The following ARSG variants were observed in gnomAD, a reference collection of about 807,000 sequenced individuals.
ARSG encodes the protein ASG.
A neutral mutation model predicts 50.5 loss-of-function variants in ARSG; 37 were observed. The ratio of observed to expected loss-of-function variants is 0.73; its 90% confidence interval spans 0.56 to 0.96. The LOEUF (loss-of-function observed/expected upper bound fraction) is 0.96. Ranked by LOEUF, ARSG falls within the 50% of genes least tolerant of loss-of-function variation. The pLI, the probability that ARSG is intolerant of heterozygous loss-of-function variation, is 0.00. For missense variants in ARSG, 629 were observed against 675.3 expected (o/e 0.93, Z 0.76); for synonymous variants, 225 against 254.6 (o/e 0.88, Z 1.11).
chr17:68,451,851 G>T, the ARSG span, among the ~76,000 whole-genome samples: 31 of 152,224 alleles, frequency 2.0e-4, no homozygotes, highest in Non-Finnish European at 4.3e-4. Flanking sequence ...TGAGCACAAA[G>T]GTTACGGCTT....
chr17:68,435,228 T>C, the ARSG span, among the ~76,000 whole-genome samples: 12,995 of 149,974 alleles, frequency 0.087, 712 homozygotes, highest in South Asian at 0.21. Flanking sequence ...AAAAATTCAA[T>C]TGGATCACTT....
the ARSG span, among the ~76,000 whole-genome samples, chr17:68,438,485 C>T: frequency 4.4e-4 from 67 of 152,162 alleles, no homozygotes; most frequent in Admixed American, 2.4e-3. Context: ...CCCAAAGAGG[C>T]GGCTGGCAGA....
intron 1 of ARSG, among the ~76,000 whole-genome samples, chr17:68,266,648 A>G (rs1479934577): frequency 1.3e-5 from 2 of 151,588 alleles, no homozygotes; most frequent in Non-Finnish European, 2.9e-5. Flanking sequence ...AATCTCTAGT[A>G]AAAATACACA....
At chr17:68,411,897 T>C (rs1344761195) in intron 11 of ARSG, among the ~76,000 whole-genome samples, 1 of 151,648 alleles carries the variant, frequency 6.6e-6, no homozygotes, top group Non-Finnish European at 1.5e-5. Context: ...TCTCTTTTGA[T>C]CTTTGTTGGT....
intron 1 of ARSG, among the ~76,000 whole-genome samples, chr17:68,292,764 C>G (rs1335385529): frequency 2.0e-5 from 3 of 152,108 alleles, no homozygotes; most frequent in Non-Finnish European, 4.4e-5. Flanking sequence ...CATCCTTTGC[C>G]GTTGACAAGT....
At chr17:68,377,231 G>T (rs911461270) in intron 8 of ARSG, among the ~76,000 whole-genome samples, 3 of 152,198 alleles carry the variant, frequency 2.0e-5, no homozygotes, top group African/African-American at 7.2e-5. Flanking sequence ...GAGAATGGAA[G>T]GCATCCCCGA....
At chr17:68,371,163 A>G (rs2079821338) in intron 8 of ARSG, among the ~76,000 whole-genome samples, 1 of 152,066 alleles carries the variant, frequency 6.6e-6, no homozygotes, top group Admixed American at 6.6e-5. Context: ...TACTAAAAAT[A>G]CAAAAAATTA....
chr17:68,267,856 A>G (rs2075204084), intron 1 of ARSG: 1 of 152,238 alleles, frequency 6.6e-6, no homozygotes, highest in African/African-American at 2.4e-5. Flanking sequence ...GTAAATTGCA[A>G]CTTGTAACTC....
intron 2 of ARSG, among the ~76,000 whole-genome samples, chr17:68,316,763 C>T (rs1243003437): frequency 2.0e-5 from 3 of 152,170 alleles, no homozygotes; most frequent in African/African-American, 7.2e-5. Context: ...TGGGTGCTAG[C>T]TCTTATGATT....
chr17:68,449,655 C>T, the ARSG span, among the ~76,000 whole-genome samples: 4 of 152,214 alleles, frequency 2.6e-5, no homozygotes, highest in Admixed American at 6.5e-5. Flanking sequence ...CCACGTAAGA[C>T]GCCTGCTCCC....
rs1195114316 is a variant in ARSG, at chr17:68,307,771, G to T, written c.218+60G>T. On this transcript the variant is annotated intron_variant, in intron 2 of 11. Coordinates refer to ENST00000621439, the MANE Select transcript of ARSG (RefSeq NM_001267727.2). ...GATGTCTTACTCCCGTTCTTGAGAG[G>T]GGAAGGGGCCGTGCAAAGCACTTAA... The T allele has an allele frequency of 4.6e-5, 43 of 927,050 alleles. No homozygotes were observed. In the Middle Eastern group the frequency reaches 1.3e-3, roughly 27 times the overall value. 57.4% of individuals were successfully genotyped at this position (927,050 alleles called of 1,614,324 possible).
intron 5 of ARSG, among the ~76,000 whole-genome samples, chr17:68,353,307 G>C (rs1406785547): frequency 6.6e-6 from 1 of 152,064 alleles, no homozygotes; most frequent in Non-Finnish European, 1.5e-5. Context: ...AGGTCTCTCT[G>C]AGTCCAGAGC....
chr17:68,358,569 G>A (rs952912381), intron 6 of ARSG, among the ~76,000 whole-genome samples: 1 of 151,858 alleles, frequency 6.6e-6, no homozygotes, highest in Non-Finnish European at 1.5e-5. Flanking sequence ...CCCATCTGTA[G>A]TCCCAACTAT....
chr17:68,398,442 C>T (rs1165952938), intron 10 of ARSG, among the ~76,000 whole-genome samples: 1 of 152,170 alleles, frequency 6.6e-6, no homozygotes, highest in African/African-American at 2.4e-5. Flanking sequence ...TATGTGTACA[C>T]AGATGCATAT....
At chr17:68,289,173 G>A (rs1283134363), upstream of ARSG, among the ~76,000 whole-genome samples, 2 of 152,078 alleles carry the variant, frequency 1.3e-5, no homozygotes, top group Non-Finnish European at 2.9e-5. Context: ...TAGTGAGGCT[G>A]TGTCTCTACA....
chr17:68,424,643 A>T, downstream of ARSG: 1 of 392,284 alleles, frequency 2.5e-6, no homozygotes, highest in South Asian at 1.9e-5. Context: ...TGGGAGGCCG[A>T]GACGAGTGGA....
At chr17:68,329,681 C>T (rs903942140) in intron 2 of ARSG, among the ~76,000 whole-genome samples, 4 of 152,150 alleles carry the variant, frequency 2.6e-5, no homozygotes, top group Non-Finnish European at 5.9e-5. Flanking sequence ...CAATAAGAAC[C>T]CATGAAAGGG....
At chr17:68,433,630 T>A in the ARSG span, 1 of 1,419,376 alleles carries the variant, frequency 7.0e-7, no homozygotes, top group South Asian at 1.2e-5. Flanking sequence ...AGTTATGGCC[T>A]TATAACTCAG....
At chr17:68,434,610 AC>A in the ARSG span, 1 of 1,613,976 alleles carries the variant, frequency 6.2e-7, no homozygotes, top group East Asian at 2.2e-5. Context: ...GACAGAGAAC[AC>A]CCGGATGACT....
Sources: allele counts gnomAD v4.1 joint callset (sites outside exome capture counted in the v4.1 genomes callset), GRCh38; gene constraint gnomAD v4.1.1; transcripts MANE v1.5; gene names NCBI Gene and HGNC (gene_info 2026-07-23, HGNC 2026-07-21).